The following CCDC110 variants were observed in gnomAD, a reference collection of about 807,000 sequenced individuals.
The protein encoded by CCDC110 is coiled-coil domain-containing protein 110.
In CCDC110, 70 loss-of-function variants were observed where a neutral mutation model predicts 77.1. That is an observed-to-expected ratio of 0.91 (90% confidence interval 0.75 to 1.11). The LOEUF (loss-of-function observed/expected upper bound fraction) is 1.11. Ranked by LOEUF, CCDC110 falls within the 50% of genes least tolerant of loss-of-function variation. CCDC110 has a pLI of 0.00. For synonymous variants in CCDC110, 295 were observed against 312.5 expected (o/e 0.94, Z 0.59); for missense variants, 868 against 942.9 (o/e 0.92, Z 1.04).
chr4:185,461,939 A>G (rs1479482616), intron 4 of CCDC110, among the ~76,000 whole-genome samples: 1 of 152,184 alleles, frequency 6.6e-6, no homozygotes, highest in East Asian at 1.9e-4. Flanking sequence ...CTCTACTAAA[A>G]ATACAAAAAT....
Position 185,448,227 on chromosome 4 carries a change from G to C in CCDC110, c.2462-2685C>G, listed in dbSNP as rs186319303. ...GTAGAGAAGGGGTTTTGCCGTGTTGGTCAGGCTGGTCTCGAACTCCTGACC... is the reference window on the plus strand; with the variant it reads ...GTAGAGAAGGGGTTTTGCCGTGTTGCTCAGGCTGGTCTCGAACTCCTGACC... On this transcript the variant is annotated intron_variant, in intron 6 of 6. Transcript: ENST00000307588. Among the ~76,000 whole-genome samples the C allele has an allele frequency of 1.5e-3, 232 of 152,162 alleles. 1 individual carries two copies. The highest frequency in any genetic ancestry group is 5.4e-3 in the African/African-American group (225 of 41,504).
chr4:185,471,376 GA>G (rs2095667280), intron 1 of CCDC110: 3 of 388,460 alleles, frequency 7.7e-6, no homozygotes, highest in Admixed American at 4.9e-5. Flanking sequence ...GGATGGGGCG[GA>G]GGGACGGCAT....
intron 5 of CCDC110, 148 bp from the exon 6 acceptor site, chr4:185,460,386 T>C (rs2095643958): frequency 3.5e-6 from 2 of 578,620 alleles, no homozygotes; most frequent in Admixed American, 7.1e-5. Flanking sequence ...AAGTATGATT[T>C]ATTTTCTCCA....
At chr4:185,457,370 T>G (rs1297835198) in intron 6 of CCDC110, 1 of 454,072 alleles carries the variant, frequency 2.2e-6, no homozygotes, top group African/African-American at 2.0e-5. Flanking sequence ...GTTATAATAC[T>G]CGGGTTTCTA....
rs192192862 is a variant in CCDC110, at chr4:185,468,778, C to G, written c.115+2167G>C. 2.6e-5 allele frequency among the ~76,000 whole-genome samples: 4 copies of G among 152,276 alleles called. No individual in the cohort carries two copies. The highest frequency in any genetic ancestry group is 1.3e-4 in the Admixed American group (2 of 15,296). Reference sequence around the variant, plus strand: ...TCTGCCACTCCAAATATTCCTCCCCCCCTTCTCAGCCTTATGTTCTCCATA... The same window carrying G: ...TCTGCCACTCCAAATATTCCTCCCCGCCTTCTCAGCCTTATGTTCTCCATA... On this transcript the variant is annotated intron_variant, in intron 2 of 6. Coordinates refer to ENST00000307588, the MANE Select transcript of CCDC110 (RefSeq NM_152775.4). The surrounding 1 kb of genome is among the most constrained non-coding windows in gnomAD (Gnocchi z 4.5).
intron 6 of CCDC110, among the ~76,000 whole-genome samples, chr4:185,454,096 G>A (rs574267900): frequency 1.3e-5 from 2 of 152,234 alleles, no homozygotes; most frequent in East Asian, 3.9e-4. Context: ...GGGATTACAG[G>A]CATGAGCCAC....
Position 185,471,050 on chromosome 4 carries a change from C to T in CCDC110, c.11-1G>A. 6.7e-7 allele frequency: 1 copy of T among 1,489,750 alleles called. No homozygotes were observed. The highest frequency in any genetic ancestry group is 9.0e-7 in the Non-Finnish European group (1 of 1,111,294). The allele number at this position is 1,489,750 out of a possible 1,614,324, so 92.3% of individuals were successfully genotyped here. A position where few individuals can be genotyped will look rare whatever the true frequency, so the allele number is the denominator to read the frequency against. ...TCATCCTCTTCCCGGTGCTGCTTTT[C>T]TGTAACAGAACCGTCCGGGGCTGTT... is the stretch of plus-strand genomic sequence containing the variant. On this transcript the variant is annotated splice_acceptor_variant, in intron 1 of 6. Transcript: ENST00000307588. LOFTEE classifies it high-confidence loss of function.
chr4:185,458,712 C>A lies in CCDC110; in HGVS notation c.1875G>T (p.Thr625=). ...QLKEKERLAK[T]EQETLLQIIE... is the part of the protein sequence containing the mutation. ...TTATTTGAAGAAGTGTCTCTTGTTC[C>A]GTTTTTGCCAATCTTTCTTTCTCTT... is the stretch of plus-strand genomic sequence containing the variant. Residue 625 remains threonine (T), a synonymous_variant, in exon 6 of 7, where the codon ACG becomes ACT. Coordinates refer to ENST00000307588, the MANE Select transcript of CCDC110 (RefSeq NM_152775.4). The A allele has an allele frequency of 6.2e-7, 1 of 1,603,868 alleles. No homozygotes were observed. Among genetic ancestry groups the A allele is most frequent in the Non-Finnish European group, 8.5e-7 (1 of 1,177,712 alleles).
chr4:185,462,662 G>A lies in CCDC110; in HGVS notation c.218C>T (p.Thr73Ile). 1 of 1,613,690 alleles carries A rather than the reference G, an allele frequency of 6.2e-7. No homozygotes were observed. The highest frequency in any genetic ancestry group is 8.5e-7 in the Non-Finnish European group (1 of 1,179,588). The stretch of plus-strand genomic sequence containing the variant: ...ACATACCATGCTGACATTCTGCAAA[G>A]TCTGCATTCGCAAAGCCTGAAATGA... Reference protein sequence around the residue: ...LESFQALRMQTLQNVSMVQSE... With the variant: ...LESFQALRMQILQNVSMVQSE... The change falls in exon 4 of 7, where the codon ACT becomes ATT. Residue 73 changes from threonine (T) to isoleucine (I), a missense_variant. Thr to Ile is a moderately conservative substitution (Grantham distance 89, BLOSUM62 -1). Coordinates refer to ENST00000307588, the MANE Select transcript of CCDC110 (RefSeq NM_152775.4).
chr4:185,453,148 A>G (rs1326662712), intron 6 of CCDC110, among the ~76,000 whole-genome samples: 2 of 152,218 alleles, frequency 1.3e-5, no homozygotes, highest in Admixed American at 6.5e-5. Context: ...CAGGAGGATC[A>G]CCAGGACCCA....
Position 185,471,067 on chromosome 4 carries a change from G to A in CCDC110, c.11-18C>T, listed in dbSNP as rs572489366. Reference sequence around the variant, plus strand: ...CTGCTTTTCTGTAACAGAACCGTCCGGGGCTGTTCTGTCGCGGGTCGTGGC... The same window carrying A: ...CTGCTTTTCTGTAACAGAACCGTCCAGGGCTGTTCTGTCGCGGGTCGTGGC... On this transcript the variant is annotated intron_variant, in intron 1 of 6. Coordinates refer to ENST00000307588, the MANE Select transcript of CCDC110 (RefSeq NM_152775.4). 5 of 1,506,378 alleles carry A rather than the reference G, an allele frequency of 3.3e-6. No individual in the cohort carries two copies. In the African/African-American group the frequency reaches 1.1e-4, roughly 32 times the overall value. The allele number at this position is 1,506,378 out of a possible 1,614,324, so 93.3% of individuals were successfully genotyped here.
At chr4:185,446,726 C>T (rs369411040) in intron 6 of CCDC110, among the ~76,000 whole-genome samples, 5 of 132,706 alleles carry the variant, frequency 3.8e-5, no homozygotes, top group African/African-American at 8.1e-5. Flanking sequence ...TAGCCCACAA[C>T]ATTTTTTGTG....
rs2095642315 is a variant in CCDC110 at position 185,459,602 on chromosome 4, C to G, written c.985G>C (p.Val329Leu). The G allele has an allele frequency of 6.2e-7, 1 of 1,613,230 alleles. No individual in the cohort carries two copies. Among genetic ancestry groups the G allele is most frequent in the East Asian group, 2.2e-5 (1 of 44,818 alleles). Reference sequence around the variant, plus strand: ...CAAAAATGCACATGGAATTTTGACACAGTTTCCCTGAAGGGGAGTAATTTC... The same window carrying G: ...CAAAAATGCACATGGAATTTTGACAGAGTTTCCCTGAAGGGGAGTAATTTC... ...VKKLLPFRET[V>L]SKFHVHFCRK... The change falls in exon 6 of 7, where the codon GTG becomes CTG. Residue 329 changes from valine (V) to leucine (L), a missense_variant. Coordinates refer to ENST00000307588, the MANE Select transcript of CCDC110 (RefSeq NM_152775.4).
chr4:185,459,779 G>A lies in CCDC110; in HGVS notation c.808C>T (p.Gln270Ter). Residue 270 changes from glutamine (Q) to a stop codon, truncating the protein, a stop_gained, in exon 6 of 7, where the codon CAA becomes TAA. Transcript: ENST00000307588. LOFTEE classifies it high-confidence loss of function. ...VALTNELQTLQTDPDVHRNGK... is the reference protein window; with the variant it reads ...VALTNELQTL ...TTCCTGTGAACATCTGGATCAGTTTGTAAAGTCTGAAGTTCATTTGTAAGT... is the reference window on the plus strand; with the variant it reads ...TTCCTGTGAACATCTGGATCAGTTTATAAAGTCTGAAGTTCATTTGTAAGT... 6 of 1,613,680 alleles carry A rather than the reference G, an allele frequency of 3.7e-6. No individual in the cohort carries two copies. Among genetic ancestry groups the A allele is most frequent in the Non-Finnish European group, 5.1e-6 (6 of 1,179,880 alleles).
At chr4:185,450,331 C>T (rs1007440543) in intron 6 of CCDC110, among the ~76,000 whole-genome samples, 1 of 152,178 alleles carries the variant, frequency 6.6e-6, no homozygotes, top group African/African-American at 2.4e-5. Context: ...TGAAGTCAGT[C>T]TTTCGTGTCC....
At position 185,454,512 on chromosome 4, in the gene CCDC110, G is replaced by A. The variant is rs551092378; in HGVS notation, c.2461+3614C>T. 3.9e-5 allele frequency among the ~76,000 whole-genome samples: 6 copies of A among 152,026 alleles called. No individual in the cohort carries two copies. In the South Asian group the frequency reaches 6.2e-4, roughly 16 times the overall value. ...GAGGATCACTTAAGGTCAGGAGTTC[G>A]AGATCAGCCTGGCCAACATAGTGAA... On this transcript the variant is annotated intron_variant, in intron 6 of 6. Coordinates refer to ENST00000307588, the MANE Select transcript of CCDC110 (RefSeq NM_152775.4).
At chr4:185,470,872 G>T in intron 2 of CCDC110, 73 bp downstream of exon 2, 1 of 1,073,498 alleles carries the variant, frequency 9.3e-7, no homozygotes, top group South Asian at 1.3e-5. Context: ...CACGCCAGGT[G>T]AGCAGGTGGC....
At position 185,449,958 on chromosome 4, in the gene CCDC110, G is replaced by C. The variant is rs530455316; in HGVS notation, c.2462-4416C>G. On this transcript the variant is annotated intron_variant, in intron 6 of 6. Coordinates refer to ENST00000307588, the MANE Select transcript of CCDC110 (RefSeq NM_152775.4). Reference sequence around the variant, plus strand: ...TGTTAAAAAATTGCAGCGTTGGAGGGGAGGAGCGGAAGAGACTGCTGGAAG... The same window carrying C: ...TGTTAAAAAATTGCAGCGTTGGAGGCGAGGAGCGGAAGAGACTGCTGGAAG... 43 of 207,574 alleles carry C rather than the reference G, an allele frequency of 2.1e-4. 1 individual carries two copies. The South Asian group carries it at 6.1e-3, about 30-fold the overall frequency. The allele number at this position is 207,574 out of a possible 1,614,324, so 12.9% of individuals were successfully genotyped here. A position where few individuals can be genotyped will look rare whatever the true frequency, so the allele number is the denominator to read the frequency against.
rs1323023214 is a variant in CCDC110 at position 185,445,370 on chromosome 4, T to C, written c.*132A>G. On this transcript the variant is annotated 3_prime_UTR_variant, in exon 7 of 7. Coordinates refer to ENST00000307588, the MANE Select transcript of CCDC110 (RefSeq NM_152775.4). Reference sequence around the variant, plus strand: ...TATCTGCACCAAACCATTCTGTGCATAATTTTTAAAGCAAATATATAGCGC... The same window carrying C: ...TATCTGCACCAAACCATTCTGTGCACAATTTTTAAAGCAAATATATAGCGC... 15 of 796,140 alleles carry C rather than the reference T, an allele frequency of 1.9e-5. No individual in the cohort carries two copies. The highest frequency in any genetic ancestry group is 2.2e-5 in the Non-Finnish European group (11 of 494,148). 49.3% of individuals were successfully genotyped at this position (796,140 alleles called of 1,614,324 possible).
Sources: allele counts gnomAD v4.1 joint callset (sites outside exome capture counted in the v4.1 genomes callset), GRCh38; gene constraint gnomAD v4.1.1; non-coding constraint Gnocchi (gnomAD v3.1); transcripts MANE v1.5; gene names NCBI Gene and HGNC (gene_info 2026-07-23, HGNC 2026-07-21).